Variants in SEMA3A observed in about 807,000 individuals in gnomAD.
SEMA3A encodes semaphorin 3A.
Under a neutral mutation model 97.9 loss-of-function variants are expected in SEMA3A, and 29 were observed. The ratio of observed to expected loss-of-function variants is 0.30; its 90% CI spans 0.22 to 0.40. The LOEUF is 0.40. Among genes scored for constraint, SEMA3A ranks in the 10% least tolerant of loss-of-function variants. The pLI is 1.00. For synonymous variants in SEMA3A, 321 were observed against 323.7 expected (o/e 0.99, Z 0.09); for missense variants, 763 against 951.3 (o/e 0.80, Z 2.60).
intron 6 of SEMA3A, among the ~76,000 whole-genome samples, chr7:84,036,668 GA>G (rs1257548028): frequency 6.6e-6 from 1 of 152,078 alleles, no homozygotes; most frequent in African/African-American, 2.4e-5. Context: ...AACAGTAACT[GA>G]AATGAATAGT....
chr7:84,470,910 G>C (rs138258036), intron 1 of SEMA3A, among the ~76,000 whole-genome samples: 24 of 152,026 alleles, frequency 1.6e-4, no homozygotes, highest in Admixed American at 1.1e-3. Flanking sequence ...ATTTGGGTCA[G>C]AGGGAAAAAT....
intron 11 of SEMA3A, among the ~76,000 whole-genome samples, chr7:84,002,985 T>C (rs539312475): frequency 1.2e-4 from 19 of 152,262 alleles, no homozygotes; most frequent in African/African-American, 4.1e-4. Flanking sequence ...TTCAAAACTT[T>C]TACTCTTCAA....
Position 84,075,010 on chromosome 7 carries a change from G to A in SEMA3A, c.454-14452C>T, listed in dbSNP as rs571558435. 1.3e-4 allele frequency among the ~76,000 whole-genome samples: 20 copies of A among 152,024 alleles called. No individual in the cohort carries two copies. In the East Asian group the frequency reaches 2.7e-3, roughly 21 times the overall value. On this transcript the variant is annotated intron_variant, in intron 4 of 16. Coordinates refer to ENST00000265362, the MANE Select transcript of SEMA3A (RefSeq NM_006080.3). ...TTGATCTTTAGTTATATCTAGGCTA[G>A]AATTTTTTTTACTGATTAAAACCTC...
chr7:83,964,778 C>T (rs548076948), intron 15 of SEMA3A, among the ~76,000 whole-genome samples: 6 of 152,262 alleles, frequency 3.9e-5, no homozygotes, highest in African/African-American at 1.4e-4. Context: ...TAATATTTAA[C>T]TGATTCCAAG....
intron 1 of SEMA3A, among the ~76,000 whole-genome samples, chr7:84,417,491 GTT>G (rs1562939972): frequency 6.6e-6 from 1 of 151,948 alleles, no homozygotes. Flanking sequence ...TTTATGACGC[GTT>G]TGTTTCCATA....
chr7:84,286,794 C>T (rs948608181), intron 3 of SEMA3A, among the ~76,000 whole-genome samples: 7 of 151,956 alleles, frequency 4.6e-5, no homozygotes, highest in African/African-American at 7.2e-5. Flanking sequence ...AGGACCTTAG[C>T]GAGGTTTTGA....
At chr7:84,189,972 AAATCAGTC>A (rs1171014022) in intron 1 of SEMA3A, among the ~76,000 whole-genome samples, 3 of 151,728 alleles carry the variant, frequency 2.0e-5, no homozygotes, top group African/African-American at 7.2e-5. Flanking sequence ...AGAACTCTAG[AAATCAGTC>A]ACATGAAGAG....
chr7:84,343,816 A>G (rs774486090), intron 2 of SEMA3A, among the ~76,000 whole-genome samples: 2 of 152,048 alleles, frequency 1.3e-5, no homozygotes, highest in African/African-American at 4.8e-5. Flanking sequence ...ACATAATAAG[A>G]CTTCATTTCT....
At chr7:84,283,970 G>T (rs917552990) in intron 3 of SEMA3A, among the ~76,000 whole-genome samples, 12 of 152,216 alleles carry the variant, frequency 7.9e-5, no homozygotes, top group African/African-American at 2.9e-4. Context: ...TGCTTTGGAT[G>T]TGTTGGTTCC....
intron 2 of SEMA3A, among the ~76,000 whole-genome samples, chr7:84,327,986 T>C (rs1038380321): frequency 1.3e-5 from 2 of 152,054 alleles, no homozygotes; most frequent in African/African-American, 2.4e-5. Context: ...AGATAATTTA[T>C]AGTAGTTCTA....
At chr7:84,070,709 T>C (rs1793709141) in intron 4 of SEMA3A, among the ~76,000 whole-genome samples, 1 of 152,090 alleles carries the variant, frequency 6.6e-6, no homozygotes, top group Non-Finnish European at 1.5e-5. Context: ...ATGCCAGTTA[T>C]ACTAAATTAT....
intron 1 of SEMA3A, among the ~76,000 whole-genome samples, chr7:84,400,022 A>G (rs770723077): frequency 6.6e-6 from 1 of 152,194 alleles, no homozygotes; most frequent in Non-Finnish European, 1.5e-5. Flanking sequence ...CCTTATGCCC[A>G]TCAGGGCTGG....
chr7:84,491,189 T>C (rs564218724), intron 1 of SEMA3A, among the ~76,000 whole-genome samples: 1 of 152,230 alleles, frequency 6.6e-6, no homozygotes, highest in African/African-American at 2.4e-5. Context: ...CTATAATAGT[T>C]AGAAAATAAA....
chr7:84,112,519 A>T (rs1040277570), intron 3 of SEMA3A, among the ~76,000 whole-genome samples: 1 of 152,146 alleles, frequency 6.6e-6, no homozygotes, highest in African/African-American at 2.4e-5. Context: ...ACTTCTCCCT[A>T]ATAAAAAAGG....
At chr7:84,141,704 G>T (rs1487468246) in intron 1 of SEMA3A, among the ~76,000 whole-genome samples, 1 of 151,862 alleles carries the variant, frequency 6.6e-6, no homozygotes, top group Non-Finnish European at 1.5e-5. Context: ...TGTGGTTGTT[G>T]TTCCCCTCTA....
At chr7:84,050,633 C>G (rs955011539) in intron 5 of SEMA3A, among the ~76,000 whole-genome samples, 2 of 151,812 alleles carry the variant, frequency 1.3e-5, no homozygotes, top group African/African-American at 4.8e-5. Flanking sequence ...GAGTAGGTTG[C>G]GAAAATTTTC....
At chr7:84,239,765 G>C (rs550403392) in intron 3 of SEMA3A, among the ~76,000 whole-genome samples, 5 of 152,132 alleles carry the variant, frequency 3.3e-5, no homozygotes, top group East Asian at 1.9e-4. Context: ...ATCTTTGGAG[G>C]CCATCTTAAT....
chr7:84,070,232 A>T (rs1329079352), intron 4 of SEMA3A, among the ~76,000 whole-genome samples: 1 of 152,178 alleles, frequency 6.6e-6, no homozygotes, highest in African/African-American at 2.4e-5. Flanking sequence ...GCTATATTTT[A>T]TTACATGATT....
chr7:84,119,619 G>T (rs191197011), intron 3 of SEMA3A, among the ~76,000 whole-genome samples: 1 of 152,048 alleles, frequency 6.6e-6, no homozygotes, highest in Non-Finnish European at 1.5e-5. Context: ...GACATAACAC[G>T]TCTGAGTAAA....
Sources: allele counts gnomAD v4.1 joint callset (sites outside exome capture counted in the v4.1 genomes callset), GRCh38; gene constraint gnomAD v4.1.1; transcripts MANE v1.5; gene names NCBI Gene and HGNC (gene_info 2026-07-23, HGNC 2026-07-21).